The following KCNA6 variants were observed in gnomAD, a reference collection of about 807,000 sequenced individuals.
KCNA6 encodes the protein potassium voltage-gated channel subfamily A member 6, also known as human brain potassium channel-2.
A neutral mutation model predicts 29.5 loss-of-function variants in KCNA6; 17 were observed. That is an observed-to-expected ratio of 0.58 (90% CI 0.39 to 0.86). The LOEUF (loss-of-function observed/expected upper bound fraction) is 0.86, where lower values mean the gene tolerates loss of function less well. Ranked by LOEUF, KCNA6 falls within the 40% of genes least tolerant of loss-of-function variation. The probability of loss-of-function intolerance (pLI) is 0.00; values close to 1 mark genes in which losing one functional copy is unlikely to be tolerated. For missense variants in KCNA6, 450 were observed against 703.4 expected, an observed-to-expected ratio of 0.64 and a Z score of 4.07; for synonymous variants, 296 against 304.7, an observed-to-expected ratio of 0.97 and a Z score of 0.30.
At chr12:4,819,365 T>C in the KCNA6 span, among the ~76,000 whole-genome samples, 1 of 152,254 alleles carries the variant, frequency 6.6e-6, no homozygotes, top group East Asian at 1.9e-4. Flanking sequence ...AGAGTTTTCC[T>C]ACCCTGTTCC....
chr12:4,818,359 G>A (rs1327126190), downstream of KCNA6, among the ~76,000 whole-genome samples: 2 of 152,196 alleles, frequency 1.3e-5, no homozygotes, highest in African/African-American at 2.4e-5. Flanking sequence ...TGATCGTCGC[G>A]GCTCAAATCC....
the KCNA6 span, among the ~76,000 whole-genome samples, chr12:4,846,590 C>T: frequency 6.6e-6 from 1 of 152,076 alleles, no homozygotes; most frequent in Non-Finnish European, 1.5e-5. Context: ...ATACCTATCA[C>T]TGATACCCAA....
chr12:4,834,845 C>T, the KCNA6 span, among the ~76,000 whole-genome samples: 1 of 152,096 alleles, frequency 6.6e-6, no homozygotes, highest in Non-Finnish European at 1.5e-5. Flanking sequence ...GAGAACAAGA[C>T]CCAAAAGTGG....
chr12:4,849,312 C>T, the KCNA6 span, among the ~76,000 whole-genome samples: 1 of 151,868 alleles, frequency 6.6e-6, no homozygotes, highest in Non-Finnish European at 1.5e-5. Flanking sequence ...TGACACAACT[C>T]CACATTTATG....
the KCNA6 span, among the ~76,000 whole-genome samples, chr12:4,828,115 A>G: frequency 6.6e-6 from 1 of 152,102 alleles, no homozygotes; most frequent in Non-Finnish European, 1.5e-5. Flanking sequence ...CTATGTCTGT[A>G]TCTGTATCTC....
exon 1 of KCNA6, chr12:4,812,616 C>G (rs2239506): frequency 0.12 from 20,220 of 167,110 alleles, 1,521 homozygotes; most frequent in African/African-American, 0.2. Flanking sequence ...TTTTCTCTGG[C>G]CCTCTACCTT....
At position 4,810,717 on chromosome 12, in the gene KCNA6, G is replaced by A; in HGVS notation, c.676G>A (p.Glu226Lys). 8 of 1,613,766 alleles carry A rather than the reference G, an allele frequency of 5.0e-6. No homozygotes were observed. The highest frequency in any genetic ancestry group is 6.8e-6 in the Non-Finnish European group (8 of 1,179,786). Residue 226 changes from glutamate to lysine, a missense_variant, in exon 1 of 1, where the codon GAG (glutamate) becomes AAG (lysine). Glu to Lys is a moderately conservative substitution (Grantham distance 56). Coordinates refer to ENST00000280684, the Ensembl canonical transcript of KCNA6. The surrounding 1 kb of genome is among the most constrained non-coding windows in gnomAD (Gnocchi z 7.5). The stretch of plus-strand genomic sequence containing the variant: ...TTCCAGGGGGAGTCAGGAGGAAGAG[G>A]AGGATGAAGACGATTCCTACACATT...
At chr12:4,819,745 G>A in the KCNA6 span, among the ~76,000 whole-genome samples, 4 of 152,238 alleles carry the variant, frequency 2.6e-5, no homozygotes, top group African/African-American at 7.2e-5. Flanking sequence ...CATGGTTGAG[G>A]ATTCTGAGCT....
chr12:4,811,668 G>C lies in KCNA6; in HGVS notation c.*37G>C. The C allele has an allele frequency of 6.3e-7, 1 of 1,582,156 alleles. No individual in the cohort carries two copies. Among genetic ancestry groups the C allele is most frequent in the Non-Finnish European group, 8.6e-7 (1 of 1,163,894 alleles). The stretch of plus-strand genomic sequence containing the variant: ...AGGGCCTGCAGGAGGGGAGCACTGA[G>C]CTAACAGTCTCTTAGGCTTCCTTCT... On this transcript the variant is annotated 3_prime_UTR_variant, in exon 1 of 1. Coordinates refer to ENST00000280684, the Ensembl canonical transcript of KCNA6. This position sits in a 1 kb window ranked among gnomAD's most constrained non-coding sequence, Gnocchi z 7.1.
At chr12:4,845,984 G>GTT in the KCNA6 span, among the ~76,000 whole-genome samples, 486 of 129,450 alleles carry the variant, frequency 3.8e-3, 14 homozygotes, top group African/African-American at 0.012. Context: ...GAATTTTAGA[G>GTT]TTTTTTTTTT....
the KCNA6 span, among the ~76,000 whole-genome samples, chr12:4,820,693 C>T: frequency 1.3e-5 from 2 of 152,076 alleles, no homozygotes; most frequent in African/African-American, 4.8e-5. Flanking sequence ...TTTCCCTCCC[C>T]TGAGTTTCCA....
chr12:4,829,279 A>C, the KCNA6 span, among the ~76,000 whole-genome samples: 1 of 151,940 alleles, frequency 6.6e-6, no homozygotes, highest in Non-Finnish European at 1.5e-5. Flanking sequence ...CATCCCCCCA[A>C]AGCATGTCTG....
chr12:4,850,988 T>C, the KCNA6 span: 1 of 346,270 alleles, frequency 2.9e-6, no homozygotes, highest in Non-Finnish European at 5.8e-6. The surrounding 1 kb of genome is among the most constrained non-coding windows in gnomAD (Gnocchi z 5.4). Flanking sequence ...AAGCTGGTGG[T>C]GTGAGCAAAG....
chr12:4,833,115 A>G, the KCNA6 span, among the ~76,000 whole-genome samples: 32 of 152,358 alleles, frequency 2.1e-4, no homozygotes, highest in African/African-American at 7.7e-4. Flanking sequence ...GTCTTGAGGA[A>G]GGACAGCTTC....
the KCNA6 span, among the ~76,000 whole-genome samples, chr12:4,831,252 G>A: frequency 6.6e-6 from 1 of 152,204 alleles, no homozygotes; most frequent in African/African-American, 2.4e-5. Context: ...GTTGCATGTG[G>A]CCCGGAGCGG....
At chr12:4,827,210 T>TTCCTTCCTTCC in the KCNA6 span, among the ~76,000 whole-genome samples, 184 of 138,680 alleles carry the variant, frequency 1.3e-3, no homozygotes, top group South Asian at 0.013. Flanking sequence ...CCTTCCCTCC[T>TTCCTTCCTTCC]TCCTTCCTTC....
At chr12:4,827,182 T>TTCCC in the KCNA6 span, among the ~76,000 whole-genome samples, 1 of 87,740 alleles carries the variant, frequency 1.1e-5, no homozygotes, top group African/African-American at 4.4e-5. Context: ...CTTTCCTTCC[T>TTCCC]TCCCTCCTTC....
the KCNA6 span, among the ~76,000 whole-genome samples, chr12:4,840,884 T>C: frequency 6.6e-6 from 1 of 152,202 alleles, no homozygotes; most frequent in African/African-American, 2.4e-5. Flanking sequence ...TTGTATTATA[T>C]TGTGAACACA....
chr12:4,838,239 A>G, the KCNA6 span, among the ~76,000 whole-genome samples: 1 of 152,202 alleles, frequency 6.6e-6, no homozygotes, highest in African/African-American at 2.4e-5. Context: ...CCTCCATAAA[A>G]ATTTCAGAGC....
Sources: gnomAD v4.1 joint callset for allele counts (sites outside exome capture counted in the v4.1 genomes callset) on GRCh38, gnomAD v4.1.1 for gene constraint, Gnocchi (gnomAD v3.1) non-coding constraint, MANE v1.5 for transcripts, NCBI Gene and HGNC (gene_info 2026-07-23, HGNC 2026-07-21) for gene names.